The following ZBTB45 variants were observed in gnomAD, a reference collection of about 807,000 sequenced individuals.
The protein encoded by ZBTB45 is zinc finger and BTB domain containing 45, also known as zinc finger and BTB domain-containing protein 45.
Under a neutral mutation model 28.4 loss-of-function variants are expected in ZBTB45, and 22 were observed. That is an observed-to-expected ratio of 0.77 (90% CI 0.55 to 1.10). The LOEUF (loss-of-function observed/expected upper bound fraction) is 1.10. ZBTB45 is among the 50% of genes least tolerant of loss of function. ZBTB45 has a pLI of 0.00. For synonymous variants in ZBTB45, 361 were observed against 332.3 expected, an observed-to-expected ratio of 1.09 and a Z score of -0.94; for missense variants, 656 against 750.2, an observed-to-expected ratio of 0.87 and a Z score of 1.47.
Position 58,514,264 on chromosome 19 carries a change from T to C in ZBTB45, c.1326A>G (p.Leu442=), listed in dbSNP as rs780765033. Residue 442 remains leucine, a synonymous_variant, in exon 3 of 3, where the codon CTA becomes CTG. Transcript: ENST00000594051. The part of the protein sequence containing the change: ...QCAVCWRSFS[L]RDYLLKHMVT... ...CCATGTGTTTGAGCAGGTAGTCGCG[T>C]AGAGAGAAGGATCGCCAGCACACGG... The C allele has an allele frequency of 1.2e-6, 2 of 1,611,096 alleles. No homozygotes were observed. The highest frequency in any genetic ancestry group is 1.7e-6 in the Non-Finnish European group (2 of 1,178,708).
chr19:58,532,097 C>T (rs544843296), intron 1 of ZBTB45, among the ~76,000 whole-genome samples: 2 of 151,990 alleles, frequency 1.3e-5, no homozygotes, highest in Non-Finnish European at 2.9e-5. Flanking sequence ...GCGAGGGCAC[C>T]CACCAAGTCC....
In ZBTB45 at chr19:58,513,925, G is replaced by T; in HGVS notation, c.*129C>A. ...GGCCCTGGTATGGAGAAAGGGTGAAGGGAGAGAGAGGACCTGCGCTCAGGA... is the reference window on the plus strand; with the variant it reads ...GGCCCTGGTATGGAGAAAGGGTGAATGGAGAGAGAGGACCTGCGCTCAGGA... On this transcript the variant is annotated 3_prime_UTR_variant, in exon 3 of 3. Coordinates refer to ENST00000594051, the MANE Select transcript of ZBTB45 (RefSeq NM_001316979.2). 1 of 1,149,610 alleles carries T rather than the reference G, an allele frequency of 8.7e-7. No homozygotes were observed. The highest frequency in any genetic ancestry group is 1.1e-6 in the Non-Finnish European group (1 of 878,148). The allele number at this position is 1,149,610 out of a possible 1,614,324, so 71.2% of individuals were successfully genotyped here.
Position 58,514,011 on chromosome 19 carries a change from G to C in ZBTB45, c.*43C>G. ...GCAGCGGGCGTGGCCGACTGTGCGG[G>C]AGGCCCCGGATCCACCGTGGGCGAG... is the stretch of plus-strand genomic sequence containing the variant. On this transcript the variant is annotated 3_prime_UTR_variant, in exon 3 of 3. Coordinates refer to ENST00000594051, the MANE Select transcript of ZBTB45 (RefSeq NM_001316979.2). 1 of 1,369,170 alleles carries C rather than the reference G, an allele frequency of 7.3e-7. No homozygotes were observed. The highest frequency in any genetic ancestry group is 9.4e-7 in the Non-Finnish European group (1 of 1,067,602). 84.8% of individuals were successfully genotyped at this position (1,369,170 alleles called of 1,614,324 possible). A position where few individuals can be genotyped will look rare whatever the true frequency, so the allele number is the denominator to read the frequency against.
At chr19:58,524,405 ATG>A (rs541272488), upstream of ZBTB45, among the ~76,000 whole-genome samples, 9,276 of 35,164 alleles carry the variant, frequency 0.26, 950 homozygotes, top group African/African-American at 0.38. Flanking sequence ...GTGTATATAT[ATG>A]TGTGTGTGTG....
At chr19:58,521,320 T>C (rs1395802381), upstream of ZBTB45, among the ~76,000 whole-genome samples, 1 of 132,552 alleles carries the variant, frequency 7.5e-6, no homozygotes, top group Non-Finnish European at 1.5e-5. Flanking sequence ...TGAGCCAAGA[T>C]AGCGCCACTG....
chr19:58,514,436 C>CTTG (rs2053463489), intron 2 of ZBTB45, 126 bp from the exon 3 acceptor site: 1 of 1,239,906 alleles, frequency 8.1e-7, no homozygotes, highest in Admixed American at 2.7e-5. Context: ...AACCACCACC[C>CTTG]CGGGATCCCT....
At position 58,514,303 on chromosome 19, in the gene ZBTB45, C is replaced by T. The variant is rs1229231106; in HGVS notation, c.1287G>A (p.Lys429=). The T allele has an allele frequency of 1.2e-6, 2 of 1,601,738 alleles. No homozygotes were observed. Among genetic ancestry groups the T allele is most frequent in the East Asian group, 2.2e-5 (1 of 44,536 alleles). ...GCCAGCACACGGCGCACTGGTGCGGCTTCTCCCCTGCGGAAGACAGGGCGG... is the reference window on the plus strand; with the variant it reads ...GCCAGCACACGGCGCACTGGTGCGGTTTCTCCCCTGCGGAAGACAGGGCGG... The part of the protein sequence containing the change: ...TKHMFIHSGE[K]PHQCAVCWRS... Residue 429 remains lysine, a synonymous_variant, in exon 3 of 3, where the codon AAG becomes AAA. Transcript: ENST00000594051.
chr19:58,534,383 A>ATATTATTAT (rs761821447), intron 1 of ZBTB45, among the ~76,000 whole-genome samples: 3 of 151,148 alleles, frequency 2.0e-5, no homozygotes, highest in Admixed American at 1.3e-4. Flanking sequence ...TATTATGTGA[A>ATATTATTAT]TATTATTATT....
At chr19:58,529,256 A>G (rs1186140330) in intron 1 of ZBTB45, among the ~76,000 whole-genome samples, 2 of 152,140 alleles carry the variant, frequency 1.3e-5, no homozygotes, top group East Asian at 3.9e-4. Context: ...CCTGAGCAAC[A>G]TGGCAAACCC....
rs1478460723 is a variant in ZBTB45 at position 58,514,057 on chromosome 19, G to A, written c.1533C>T (p.Pro511=). ...LERHLAAHPA[P] ...GCGAGGCCAGGCCCCAGCGCCATCA[G>A]GGCGCAGGGTGCGCCGCCAGGTGGC... The change falls in exon 3 of 3, where the codon CCC becomes CCT. Residue 511 remains proline (P), a synonymous_variant. Transcript: ENST00000594051. The A allele has an allele frequency of 1.4e-6, 2 of 1,469,692 alleles. No individual in the cohort carries two copies. Among genetic ancestry groups the A allele is most frequent in the Admixed American group, 2.4e-5 (1 of 40,824 alleles). The allele number at this position is 1,469,692 out of a possible 1,614,324, so 91.0% of individuals were successfully genotyped here.
chr19:58,535,657 C>A (rs564367370), intron 1 of ZBTB45, among the ~76,000 whole-genome samples: 1 of 152,240 alleles, frequency 6.6e-6, no homozygotes, highest in South Asian at 2.1e-4. Context: ...CAAGAGCCAC[C>A]AGGCCTGGCC....
chr19:58,517,166 T>TGTGTGCA lies in ZBTB45; in HGVS notation c.501_507dup (p.Ser170CysfsTer5). ...CGCGCGGGCTGGCGCTGCTTACGGC[T>TGTGTGCA]GTGTGCAGCACCGGGGTGCCCCGGG... On this transcript the variant is annotated frameshift_variant, in exon 2 of 3. Transcript: ENST00000594051. LOFTEE classifies it high-confidence loss of function. 6.2e-7 allele frequency: 1 copy of TGTGTGCA among 1,610,816 alleles called. No individual in the cohort carries two copies. The highest frequency in any genetic ancestry group is 8.5e-7 in the Non-Finnish European group (1 of 1,178,972).
chr19:58,516,289 A>G lies in ZBTB45; in HGVS notation c.1279+106T>C. 7.0e-7 allele frequency: 1 copy of G among 1,429,976 alleles called. No individual in the cohort carries two copies. Among genetic ancestry groups the G allele is most frequent in the Non-Finnish European group, 9.5e-7 (1 of 1,053,316 alleles). 88.6% of individuals were successfully genotyped at this position (1,429,976 alleles called of 1,614,324 possible). ...TCAATTTCTAGGCCCCCTGCTAACC[A>G]AAAGTAACAGAACAGTGCCAGTGCC... On this transcript the variant is annotated intron_variant, in intron 2 of 2. Coordinates refer to ENST00000594051, the MANE Select transcript of ZBTB45 (RefSeq NM_001316979.2). The surrounding 1 kb of genome is among the most constrained non-coding windows in gnomAD (Gnocchi z 6.2).
Position 58,526,543 on chromosome 19 carries a change from T to A in ZBTB45, c.1-8870A>T, listed in dbSNP as rs1338141690. ...TATTATTATTTTTTTTTTTTTTTTTTTTTTTTGAGATGGAGTCTCGCTCTG... is the reference window on the plus strand; with the variant it reads ...TATTATTATTTTTTTTTTTTTTTTTATTTTTTGAGATGGAGTCTCGCTCTG... On this transcript the variant is annotated intron_variant, in intron 1 of 1. Transcript: ENST00000600130. Among the ~76,000 whole-genome samples the A allele has an allele frequency of 3.7e-3, 480 of 131,336 alleles. 8 individuals carry two copies. The highest frequency in any genetic ancestry group is 0.013 in the African/African-American group (445 of 34,966). The allele number at this position is 131,336 out of a possible 152,430, so 86.2% of individuals were successfully genotyped here.
Position 58,516,761 on chromosome 19 carries a change from C to T in ZBTB45, c.913G>A (p.Glu305Lys). 1.2e-6 allele frequency: 2 copies of T among 1,613,338 alleles called. No homozygotes were observed. The highest frequency in any genetic ancestry group is 1.3e-5 in the African/African-American group (1 of 75,016). ...DGAVPEGCPTETPVQPDCILS... is the reference protein window; with the variant it reads ...DGAVPEGCPTKTPVQPDCILS... ...ATGCAGTCGGGCTGGACAGGGGTCT[C>T]AGTGGGACAGCCTTCGGGGACAGCG... Residue 305 changes from glutamate (E) to lysine (K), a missense_variant, in exon 2 of 3, where the codon GAG becomes AAG. Coordinates refer to ENST00000594051, the MANE Select transcript of ZBTB45 (RefSeq NM_001316979.2). The surrounding 1 kb of genome is among the most constrained non-coding windows in gnomAD (Gnocchi z 6.2).
Position 58,514,320 on chromosome 19 carries a change from A to C in ZBTB45, c.1280-10T>G. ...TGGTGCGGCTTCTCCCCTGCGGAAG[A>C]CAGGGCGGGCCGCGAACGCAAGTCA... On this transcript the variant is annotated splice_polypyrimidine_tract_variant and intron_variant, in intron 2 of 2. Transcript: ENST00000594051. 6.3e-7 allele frequency: 1 copy of C among 1,588,400 alleles called. No homozygotes were observed. Among genetic ancestry groups the C allele is most frequent in the Non-Finnish European group, 8.6e-7 (1 of 1,163,138 alleles).
chr19:58,526,542 T>A (rs2053608491), intron 1 of ZBTB45, among the ~76,000 whole-genome samples: 1 of 136,450 alleles, frequency 7.3e-6, no homozygotes, highest in African/African-American at 2.7e-5. Flanking sequence ...TTTTTTTTTT[T>A]TTTTTTTGAG....
rs1349744389 is a variant in ZBTB45 at position 58,528,889 on chromosome 19, G to T, written c.-1+9812C>A. Among the ~76,000 whole-genome samples the T allele has an allele frequency of 6.7e-5, 10 of 149,968 alleles. No individual in the cohort carries two copies. The East Asian group carries it at 2.0e-3, about 29-fold the overall frequency. On this transcript the variant is annotated intron_variant, in intron 1 of 1. Transcript: ENST00000600130. ...AGCCTGGATGACAGAGCGAGACTCT[G>T]TCTCAAAAAATAATAATAATAATTA...
At chr19:58,514,920 C>T (rs889194081) in intron 2 of ZBTB45, among the ~76,000 whole-genome samples, 5 of 152,202 alleles carry the variant, frequency 3.3e-5, no homozygotes, top group African/African-American at 1.2e-4. Context: ...CCCAGAACCC[C>T]TGCCCGCTGG....
Sources: gnomAD v4.1 joint callset for allele counts (sites outside exome capture counted in the v4.1 genomes callset) on GRCh38, gnomAD v4.1.1 for gene constraint, Gnocchi (gnomAD v3.1) non-coding constraint, MANE v1.5 for transcripts, NCBI Gene and HGNC (gene_info 2026-07-23, HGNC 2026-07-21) for gene names.